KHDRBS3: variants seen among roughly 807,000 people sequenced by gnomAD.
The protein encoded by KHDRBS3 is KH RNA binding domain containing, signal transduction associated 3, also known as KH domain-containing, RNA-binding, signal transduction-associated protein 3.
KHDRBS3 carries 23 observed loss-of-function variants against 45.6 expected under a neutral mutation model. That is an observed-to-expected ratio of 0.50 (90% CI 0.36 to 0.72). The LOEUF is 0.72. Ranked by LOEUF, KHDRBS3 falls within the 30% of genes least tolerant of loss-of-function variation. The pLI, the probability that KHDRBS3 is intolerant of heterozygous loss-of-function variation, is 0.00. For synonymous variants in KHDRBS3, 162 were observed against 156.5 expected (o/e 1.04, Z -0.26); for missense variants, 352 against 424.8 (o/e 0.83, Z 1.51).
intron 2 of KHDRBS3, among the ~76,000 whole-genome samples, chr8:135,526,504 GC>G (rs1825195591): frequency 6.6e-6 from 1 of 152,140 alleles, no homozygotes; most frequent in Admixed American, 6.5e-5. Context: ...TTTCAAGCCA[GC>G]CCTGTTTCAA....
downstream of KHDRBS3, among the ~76,000 whole-genome samples, chr8:135,651,264 T>C (rs572915532): frequency 1.1e-3 from 171 of 151,672 alleles, no homozygotes; most frequent in Middle Eastern, 0.028. Context: ...AACTGCAGGT[T>C]CCCCACTTAT....
intron 7 of KHDRBS3, among the ~76,000 whole-genome samples, chr8:135,618,939 CTG>C (rs1309827191): frequency 2.0e-5 from 3 of 152,156 alleles, no homozygotes; most frequent in Admixed American, 1.3e-4. Flanking sequence ...GTAGTACTGA[CTG>C]TGGAGGGATG....
chr8:135,515,148 C>T (rs868498559), intron 1 of KHDRBS3, among the ~76,000 whole-genome samples: 3 of 151,660 alleles, frequency 2.0e-5, no homozygotes, highest in Non-Finnish European at 2.9e-5. Flanking sequence ...GGGCGGATCA[C>T]GAGGTCAGGA....
chr8:135,625,169 C>G, intron 7 of KHDRBS3: 1 of 1,353,784 alleles, frequency 7.4e-7, no homozygotes, highest in South Asian at 1.2e-5. Flanking sequence ...AGATGTTGCT[C>G]TGCTGGTCCA....
chr8:135,653,036 A>G (rs1044349148), intron 4 of KHDRBS3, among the ~76,000 whole-genome samples: 1 of 152,140 alleles, frequency 6.6e-6, no homozygotes, highest in African/African-American at 2.4e-5. Context: ...CTGTGTGTTT[A>G]TCTCATTTGA....
At chr8:135,464,049 G>A (rs1166783376) in intron 1 of KHDRBS3, among the ~76,000 whole-genome samples, 1 of 152,086 alleles carries the variant, frequency 6.6e-6, no homozygotes, top group African/African-American at 2.4e-5. Flanking sequence ...AAAACACTAA[G>A]TAACTTGCCC....
intron 3 of KHDRBS3, among the ~76,000 whole-genome samples, chr8:135,545,379 A>G (rs1296377234): frequency 6.6e-6 from 1 of 152,118 alleles, no homozygotes; most frequent in Non-Finnish European, 1.5e-5. Context: ...TGCCGTGTGG[A>G]AGGCTCTGTG....
chr8:135,634,625 T>C (rs2131154238), intron 7 of KHDRBS3, among the ~76,000 whole-genome samples: 1 of 152,354 alleles, frequency 6.6e-6, no homozygotes, highest in East Asian at 1.9e-4. Flanking sequence ...CTGAAGCTAT[T>C]CCCATGTTAA....
intron 2 of KHDRBS3, chr8:135,539,081 C>T (rs1482773059): frequency 6.6e-6 from 1 of 152,148 alleles, no homozygotes; most frequent in East Asian, 1.9e-4. Flanking sequence ...TATTTTTTAC[C>T]TGGGCCACAA....
chr8:135,505,417 G>A (rs547636017), intron 1 of KHDRBS3, among the ~76,000 whole-genome samples: 2 of 152,246 alleles, frequency 1.3e-5, no homozygotes, highest in Non-Finnish European at 2.9e-5. Context: ...TTCAGGGCTA[G>A]CGTAGTCTCT....
At chr8:135,584,214 TC>T (rs1828349513) in intron 6 of KHDRBS3, among the ~76,000 whole-genome samples, 1 of 152,244 alleles carries the variant, frequency 6.6e-6, no homozygotes, top group Non-Finnish European at 1.5e-5. Flanking sequence ...GAGCCAGTGC[TC>T]TTTCTGTCAC....
At chr8:135,458,202 C>G in intron 1 of KHDRBS3, 1 of 1,278,722 alleles carries the variant, frequency 7.8e-7, no homozygotes, top group Non-Finnish European at 9.9e-7. Context: ...TGAAGGAAAT[C>G]TTTGGGGACT....
intron 1 of KHDRBS3, among the ~76,000 whole-genome samples, chr8:135,504,903 G>A (rs1823912815): frequency 6.6e-6 from 1 of 152,088 alleles, no homozygotes; most frequent in Admixed American, 6.6e-5. Context: ...TATATAGTAG[G>A]GGAGGAGTGG....
At chr8:135,458,161 A>G in intron 1 of KHDRBS3, 3 of 1,344,502 alleles carry the variant, frequency 2.2e-6, no homozygotes, top group Admixed American at 3.5e-5. Flanking sequence ...GGGGACTTGG[A>G]AGGAGAAGGC....
intron 5 of KHDRBS3, among the ~76,000 whole-genome samples, chr8:135,575,844 C>T (rs1247604707): frequency 6.6e-6 from 1 of 152,166 alleles, no homozygotes; most frequent in Non-Finnish European, 1.5e-5. Context: ...ACAATACTGG[C>T]ACAGAATTAA....
chr8:135,625,939 G>T, intron 7 of KHDRBS3: 2 of 803,276 alleles, frequency 2.5e-6, no homozygotes, highest in Non-Finnish European at 4.5e-6. Context: ...TGTCGACTTA[G>T]ATTATCACTG....
At chr8:135,587,616 T>C (rs1828540197) in intron 6 of KHDRBS3, among the ~76,000 whole-genome samples, 1 of 152,226 alleles carries the variant, frequency 6.6e-6, no homozygotes, top group Non-Finnish European at 1.5e-5. Context: ...ATTGATTTAT[T>C]ATTTATGTCC....
At chr8:135,483,240 T>C (rs1274689645) in intron 1 of KHDRBS3, among the ~76,000 whole-genome samples, 1 of 152,256 alleles carries the variant, frequency 6.6e-6, no homozygotes, top group Non-Finnish European at 1.5e-5. Flanking sequence ...CTCTTTTCTT[T>C]TACATTAAAC....
chr8:135,607,291 G>GTA (rs1426748336), intron 7 of KHDRBS3, among the ~76,000 whole-genome samples: 31 of 152,294 alleles, frequency 2.0e-4, no homozygotes, highest in Admixed American at 9.8e-4. Context: ...TAAATGTTCA[G>GTA]TATATTTTGA....
Sources: gnomAD v4.1 joint callset for allele counts (sites outside exome capture counted in the v4.1 genomes callset) on GRCh38, gnomAD v4.1.1 for gene constraint, MANE v1.5 for transcripts, NCBI Gene and HGNC (gene_info 2026-07-23, HGNC 2026-07-21) for gene names.